Variants in TPRG1 observed in about 807,000 individuals in gnomAD.
TPRG1 encodes tumor protein p63-regulated gene 1 protein.
TPRG1 carries 29 observed loss-of-function variants against 29.3 expected under a neutral mutation model. The ratio of observed to expected loss-of-function variants is 0.99; its 90% CI spans 0.74 to 1.35. The LOEUF is 1.35. Among genes scored for constraint, TPRG1 ranks in the 40% most tolerant of loss-of-function variants. TPRG1 has a pLI of 0.00. For missense variants in TPRG1, 327 were observed against 335.0 expected (o/e 0.98, Z 0.19); for synonymous variants, 130 against 116.8 (o/e 1.11, Z -0.73).
intron 2 of TPRG1, among the ~76,000 whole-genome samples, chr3:189,209,444 T>TC (rs1476610807): frequency 9.9e-5 from 15 of 152,178 alleles, no homozygotes; most frequent in Non-Finnish European, 2.2e-4. Context: ...ATTGACAGAG[T>TC]CCAAATCCAC....
intron 4 of TPRG1, among the ~76,000 whole-genome samples, chr3:189,282,646 T>C (rs1255870135): frequency 6.6e-6 from 1 of 152,222 alleles, no homozygotes; most frequent in Non-Finnish European, 1.5e-5. Context: ...CTGTGTTTTC[T>C]ACACAATGCC....
At chr3:189,306,737 T>C (rs1440272166) in intron 4 of TPRG1, among the ~76,000 whole-genome samples, 1 of 152,104 alleles carries the variant, frequency 6.6e-6, no homozygotes, top group Non-Finnish European at 1.5e-5. Context: ...GGTAGTATGG[T>C]TCATAGTAGA....
intron 1 of TPRG1, among the ~76,000 whole-genome samples, chr3:189,124,311 TA>T (rs1365560122): frequency 2.0e-5 from 3 of 152,030 alleles, no homozygotes; most frequent in African/African-American, 7.3e-5. Flanking sequence ...GAAGCATATT[TA>T]AAGTGCAAGG....
Position 189,186,245 on chromosome 3 carries a change from G to A in TPRG1, c.-10+14114G>A, listed in dbSNP as rs889090920. ...ACTGGAGAAAAGTCAATGATGACCC[G>A]AAATGTTGTGATTGGTGAGGGTGAG... On this transcript the variant is annotated intron_variant, in intron 1 of 5. Transcript: ENST00000345063. Among the ~76,000 whole-genome samples the A allele has an allele frequency of 2.6e-5, 4 of 152,132 alleles. No individual in the cohort carries two copies. The East Asian group carries it at 5.8e-4, about 22-fold the overall frequency.
At chr3:189,104,355 T>G in intron 1 of TPRG1, among the ~76,000 whole-genome samples, 1 of 152,142 alleles carries the variant, frequency 6.6e-6, no homozygotes, top group East Asian at 1.9e-4. Flanking sequence ...AGCACTCATC[T>G]GGGTTGGAAT....
intron 1 of TPRG1, among the ~76,000 whole-genome samples, chr3:189,199,507 C>G (rs1296072531): frequency 6.6e-6 from 1 of 152,128 alleles, no homozygotes; most frequent in Non-Finnish European, 1.5e-5. Flanking sequence ...AGATTGATGA[C>G]CGGGAAACCC....
At chr3:189,111,579 C>T (rs1720531946) in intron 1 of TPRG1, among the ~76,000 whole-genome samples, 1 of 152,044 alleles carries the variant, frequency 6.6e-6, no homozygotes, top group African/African-American at 2.4e-5. Context: ...AGCCAGGGAC[C>T]ATCTGCTATG....
At chr3:189,128,566 A>G (rs937597144) in intron 2 of TPRG1, among the ~76,000 whole-genome samples, 1 of 152,230 alleles carries the variant, frequency 6.6e-6, no homozygotes, top group Non-Finnish European at 1.5e-5. Flanking sequence ...TTAAGAAGTA[A>G]TAAAGATATT....
intron 2 of TPRG1, among the ~76,000 whole-genome samples, chr3:189,215,000 T>A (rs765010862): frequency 7.0e-6 from 1 of 142,552 alleles, no homozygotes; most frequent in Non-Finnish European, 1.5e-5. Context: ...AACTTTATAA[T>A]GCTTGTTTGG....
chr3:189,318,546 G>A (rs574814555), intron 5 of TPRG1, among the ~76,000 whole-genome samples: 1 of 152,106 alleles, frequency 6.6e-6, no homozygotes, highest in Non-Finnish European at 1.5e-5. Flanking sequence ...TTAAAAAGAA[G>A]TAAAATCTTA....
chr3:189,105,847 A>G (rs1175545948), intron 1 of TPRG1, among the ~76,000 whole-genome samples: 1 of 152,116 alleles, frequency 6.6e-6, no homozygotes, highest in Non-Finnish European at 1.5e-5. Flanking sequence ...ACATTTTTTG[A>G]AGACAGGAAA....
intron 4 of TPRG1, among the ~76,000 whole-genome samples, chr3:189,080,512 G>C (rs1717522370): frequency 6.6e-6 from 1 of 152,120 alleles, no homozygotes; most frequent in South Asian, 2.1e-4. Context: ...CCAAAAGCTA[G>C]AGGGCAAGGG....
chr3:189,053,655 C>T (rs527405681), intron 4 of TPRG1, among the ~76,000 whole-genome samples: 7 of 152,274 alleles, frequency 4.6e-5, no homozygotes, highest in East Asian at 1.9e-4. Context: ...GCCAGGAGGA[C>T]GGATTTGAGA....
At chr3:189,244,384 A>G (rs1318623316) in intron 4 of TPRG1, among the ~76,000 whole-genome samples, 1 of 152,030 alleles carries the variant, frequency 6.6e-6, no homozygotes, top group Non-Finnish European at 1.5e-5. Context: ...GAGCCACTGC[A>G]CTCCAGCCTG....
chr3:189,242,563 A>G (rs1740787603), intron 4 of TPRG1, among the ~76,000 whole-genome samples: 1 of 152,092 alleles, frequency 6.6e-6, no homozygotes, highest in Non-Finnish European at 1.5e-5. Context: ...CATGAGGGGT[A>G]TTAGTCTGTT....
chr3:189,246,059 C>T (rs968311189), intron 4 of TPRG1, among the ~76,000 whole-genome samples: 1 of 152,136 alleles, frequency 6.6e-6, no homozygotes, highest in Admixed American at 6.5e-5. Context: ...AACTGTAGCT[C>T]TCATAATCCC....
At chr3:189,180,853 C>G (rs889248995) in intron 1 of TPRG1, among the ~76,000 whole-genome samples, 1 of 152,226 alleles carries the variant, frequency 6.6e-6, no homozygotes, top group Non-Finnish European at 1.5e-5. Flanking sequence ...CCCTTCCACA[C>G]TGCCTTAGAG....
chr3:189,253,528 CT>C (rs1742605231), intron 4 of TPRG1, among the ~76,000 whole-genome samples: 1 of 152,174 alleles, frequency 6.6e-6, no homozygotes, highest in Non-Finnish European at 1.5e-5. Context: ...GGTTCCAAGT[CT>C]TTGCTATTGT....
intron 3 of TPRG1, among the ~76,000 whole-genome samples, chr3:189,140,876 G>A (rs1029438114): frequency 6.6e-6 from 1 of 152,022 alleles, no homozygotes; most frequent in East Asian, 1.9e-4. Context: ...GGGTATGTCC[G>A]CGCCAATCTT....
Sources: allele counts gnomAD v4.1 joint callset (sites outside exome capture counted in the v4.1 genomes callset), GRCh38; gene constraint gnomAD v4.1.1; transcripts MANE v1.5; gene names NCBI Gene and HGNC (gene_info 2026-07-23, HGNC 2026-07-21).